The following MAML2 variants were observed in gnomAD, a reference collection of about 807,000 sequenced individuals.
MAML2 encodes the protein mastermind-like protein 2.
A neutral mutation model predicts 96.1 loss-of-function variants in MAML2; 22 were observed. That is an observed-to-expected ratio of 0.23 (90% CI 0.16 to 0.33). The LOEUF is 0.33. Among genes scored for constraint, MAML2 ranks in the 10% least tolerant of loss-of-function variants. The probability of loss-of-function intolerance (pLI) is 1.00; values close to 1 mark genes in which losing one functional copy is unlikely to be tolerated. For synonymous variants in MAML2, 561 were observed against 521.3 expected, an observed-to-expected ratio of 1.08 and a Z score of -1.04; for missense variants, 1,367 against 1,392.4, an observed-to-expected ratio of 0.98 and a Z score of 0.29.
At chr11:96,324,694 T>C (rs904538545) in intron 1 of MAML2, among the ~76,000 whole-genome samples, 2 of 152,226 alleles carry the variant, frequency 1.3e-5, no homozygotes, top group African/African-American at 4.8e-5. Context: ...ACCTATTCCC[T>C]ACTTGAATCT....
intron 1 of MAML2, among the ~76,000 whole-genome samples, chr11:96,335,885 C>T (rs765581549): frequency 6.6e-6 from 1 of 152,130 alleles, no homozygotes; most frequent in Non-Finnish European, 1.5e-5. Flanking sequence ...CTGCACTCAG[C>T]GACCCCAATC....
At chr11:96,036,387 A>C (rs1297049420) in intron 2 of MAML2, among the ~76,000 whole-genome samples, 1 of 152,164 alleles carries the variant, frequency 6.6e-6, no homozygotes, top group African/African-American at 2.4e-5. Flanking sequence ...TCTTTCATTC[A>C]TTTTAAACTC....
At chr11:96,137,658 C>G (rs1860657112) in intron 1 of MAML2, among the ~76,000 whole-genome samples, 1 of 152,194 alleles carries the variant, frequency 6.6e-6, no homozygotes, top group Non-Finnish European at 1.5e-5. Context: ...TTTTAATATA[C>G]TACACATACA....
At chr11:96,098,566 T>A (rs550415373) in intron 1 of MAML2, among the ~76,000 whole-genome samples, 13 of 152,376 alleles carry the variant, frequency 8.5e-5, no homozygotes, top group Non-Finnish European at 1.8e-4. Context: ...AAGTCCAGTC[T>A]GGTTTGCAGA....
chr11:96,011,298 A>G (rs1352101808), intron 2 of MAML2, among the ~76,000 whole-genome samples: 1 of 152,224 alleles, frequency 6.6e-6, no homozygotes, highest in African/African-American at 2.4e-5. Context: ...TGTTTACAAA[A>G]GCAAAGACAT....
chr11:96,181,201 G>C lies in MAML2; in HGVS notation c.514-87684C>G, dbSNP rs1861479258. 2.6e-5 allele frequency among the ~76,000 whole-genome samples: 4 copies of C among 152,242 alleles called. No individual in the cohort carries two copies. The South Asian group carries it at 8.3e-4, about 32-fold the overall frequency. On this transcript the variant is annotated intron_variant, in intron 1 of 4. Transcript: ENST00000524717. ...CACAGGGGATGTGATGGCTTGGTTT[G>C]GGCTCAGAGGCCTGACAGTACCTCC... is the stretch of plus-strand genomic sequence containing the variant.
chr11:96,283,513 T>C (rs539372923), intron 1 of MAML2, among the ~76,000 whole-genome samples: 2 of 152,328 alleles, frequency 1.3e-5, no homozygotes, highest in Admixed American at 6.5e-5. Context: ...TAAACACTAA[T>C]GAATGATTCC....
intron 1 of MAML2, among the ~76,000 whole-genome samples, chr11:96,151,991 A>T (rs1192695795): frequency 6.6e-6 from 1 of 152,204 alleles, no homozygotes; most frequent in Non-Finnish European, 1.5e-5. Context: ...CCAAGGCAAG[A>T]GGGCTGCTTG....
At chr11:96,209,456 G>A (rs1410666784) in intron 1 of MAML2, among the ~76,000 whole-genome samples, 2 of 151,816 alleles carry the variant, frequency 1.3e-5, no homozygotes, top group Non-Finnish European at 2.9e-5. Context: ...TGGCCAACCT[G>A]GTAAAAACCT....
intron 1 of MAML2, among the ~76,000 whole-genome samples, chr11:96,306,304 A>G (rs569274447): frequency 4.6e-5 from 7 of 152,274 alleles, no homozygotes; most frequent in African/African-American, 1.7e-4. Context: ...ATGGATCAAA[A>G]AGCTTCAAAA....
chr11:96,341,871 C>T lies in MAML2; in HGVS notation c.25G>A (p.Ala9Thr). The T allele has an allele frequency of 1.3e-6, 2 of 1,538,072 alleles. No individual in the cohort carries two copies. MGDTAPPQ[A>T]PAGGLGGASG... ...GCCCCCCCTAGCCCTCCTGCGGGGG[C>T]CTGCGGGGGCGCTGTGTCCCCCATC... The change falls in exon 1 of 5, where the codon GCC becomes ACC. Residue 9 changes from alanine (A) to threonine (T), a missense_variant. Transcript: ENST00000524717.
chr11:96,243,435 G>T (rs929697943), intron 1 of MAML2, among the ~76,000 whole-genome samples: 1 of 152,204 alleles, frequency 6.6e-6, no homozygotes, highest in African/African-American at 2.4e-5. Flanking sequence ...GCTAGCAGGA[G>T]GCGTTGCTCA....
intron 1 of MAML2, among the ~76,000 whole-genome samples, chr11:96,138,734 A>G (rs576491193): frequency 3.9e-5 from 6 of 151,924 alleles, no homozygotes; most frequent in African/African-American, 1.4e-4. Flanking sequence ...ATAGTCCAGG[A>G]AGGCCCCAAA....
intron 1 of MAML2, among the ~76,000 whole-genome samples, chr11:96,276,930 C>T (rs766787732): frequency 2.6e-5 from 4 of 151,406 alleles, no homozygotes; most frequent in Non-Finnish European, 5.9e-5. Flanking sequence ...GATTTATGCA[C>T]TCATCCCACT....
chr11:96,065,842 C>T (rs563771374), intron 2 of MAML2, among the ~76,000 whole-genome samples: 1 of 152,276 alleles, frequency 6.6e-6, no homozygotes, highest in South Asian at 2.1e-4. Flanking sequence ...CTCTGTGCTG[C>T]CTTGCACTGG....
At chr11:96,252,571 G>A (rs1414946858) in intron 1 of MAML2, among the ~76,000 whole-genome samples, 4 of 151,792 alleles carry the variant, frequency 2.6e-5, no homozygotes, top group Non-Finnish European at 2.9e-5. Flanking sequence ...GACTACAGGC[G>A]CGTGTCACCA....
At chr11:96,239,335 G>T (rs541016712) in intron 1 of MAML2, among the ~76,000 whole-genome samples, 27 of 152,312 alleles carry the variant, frequency 1.8e-4, no homozygotes, top group African/African-American at 5.8e-4. Flanking sequence ...GAAGTGAATA[G>T]CTGTTGACCC....
At chr11:96,323,348 A>G (rs1026546333) in intron 1 of MAML2, among the ~76,000 whole-genome samples, 1 of 152,314 alleles carries the variant, frequency 6.6e-6, no homozygotes, top group African/African-American at 2.4e-5. Context: ...CTAGCCAAAG[A>G]GAATTTCCCT....
chr11:96,017,054 C>T (rs1858364841), intron 2 of MAML2, among the ~76,000 whole-genome samples: 1 of 152,142 alleles, frequency 6.6e-6, no homozygotes, highest in African/African-American at 2.4e-5. Context: ...TAATAATACT[C>T]AACATGTATT....
Sources: allele counts gnomAD v4.1 joint callset (sites outside exome capture counted in the v4.1 genomes callset), GRCh38; gene constraint gnomAD v4.1.1; transcripts MANE v1.5; gene names NCBI Gene and HGNC (gene_info 2026-07-23, HGNC 2026-07-21).